The following RNF40 variants were observed in gnomAD, a reference collection of about 807,000 sequenced individuals.
The protein encoded by RNF40 is E3 ubiquitin-protein ligase BRE1B.
In RNF40, 39 loss-of-function variants were observed where a neutral mutation model predicts 123.3. The ratio of observed to expected loss-of-function variants is 0.32; its 90% confidence interval spans 0.24 to 0.41. RNF40 has a LOEUF of 0.41. Ranked by LOEUF, RNF40 falls within the 10% of genes least tolerant of loss-of-function variation. RNF40 has a pLI of 1.00. For synonymous variants in RNF40, 538 were observed against 526.0 expected (o/e 1.02, Z -0.31); for missense variants, 1,003 against 1,319.9 (o/e 0.76, Z 3.72).
At chr16:30,767,643 T>TA (rs535142227) in intron 11 of RNF40, 8,497 of 351,872 alleles carry the variant, frequency 0.024, 5 homozygotes, top group South Asian at 0.029. Flanking sequence ...TGTTTCTATT[T>TA]AAAAAAAAAA....
In RNF40 at chr16:30,765,225, G is replaced by A. The variant is rs1252606201; in HGVS notation, c.816G>A (p.Val272=). ...QDKVTSAETK[V]LEMETTVEDL... is the part of the protein sequence containing the mutation. The stretch of plus-strand genomic sequence containing the variant: ...AAGTGACATCGGCAGAGACCAAGGT[G>A]CTGGAGATGGAGACAACAGTGGAGG... Residue 272 remains valine (V), a synonymous_variant, in exon 7 of 20, where the codon GTG becomes GTA. Coordinates refer to ENST00000324685, the MANE Select transcript of RNF40 (RefSeq NM_014771.4). The A allele has an allele frequency of 3.1e-6, 5 of 1,614,126 alleles. No homozygotes were observed. The highest frequency in any genetic ancestry group is 4.2e-6 in the Non-Finnish European group (5 of 1,180,054).
At position 30,764,294 on chromosome 16, in the gene RNF40, G is replaced by A. The variant is rs770740742; in HGVS notation, c.558G>A (p.Glu186=). 4 of 1,613,910 alleles carry A rather than the reference G, an allele frequency of 2.5e-6. No homozygotes were observed. The highest frequency in any genetic ancestry group is 2.5e-6 in the Non-Finnish European group (3 of 1,179,922). Residue 186 remains glutamate (E), a synonymous_variant, in exon 5 of 20, where the codon GAG becomes GAA. Transcript: ENST00000324685. ...EVELELQGRM[E]FSKAAVSRVV... Reference sequence around the variant, plus strand: ...AGCTGGAGCTGCAAGGCCGAATGGAGTTCTCCAAGGCAGCTGTGTCTCGTG... The same window carrying A: ...AGCTGGAGCTGCAAGGCCGAATGGAATTCTCCAAGGCAGCTGTGTCTCGTG...
chr16:30,766,538 C>T lies in RNF40; in HGVS notation c.1273C>T (p.Arg425Ter). The change falls in exon 10 of 20, where the codon CGA (arginine) becomes TGA (stop). Residue 425 changes from arginine (R) to a stop codon, truncating the protein, a stop_gained. Coordinates refer to ENST00000324685, the MANE Select transcript of RNF40 (RefSeq NM_014771.4). LOFTEE classifies it high-confidence loss of function. This position sits in a 1 kb window ranked among gnomAD's most constrained non-coding sequence, Gnocchi z 5.4. ...GCTGGCCACAAAGAACTCCCACCTG[C>T]GACACATCGAGCACATGGAGGTATG... ...LLLATKNSHL[R>*]HIEHMESDEL... 7 of 1,611,072 alleles carry T rather than the reference C, an allele frequency of 4.3e-6. No homozygotes were observed. The highest frequency in any genetic ancestry group is 5.9e-6 in the Non-Finnish European group (7 of 1,178,536).
Position 30,767,943 on chromosome 16 carries a change from C to T in RNF40, c.1479C>T (p.His493=). 1 of 1,614,194 alleles carries T rather than the reference C, an allele frequency of 6.2e-7. No homozygotes were observed. Among genetic ancestry groups the T allele is most frequent in the African/African-American group, 1.3e-5 (1 of 75,052 alleles). The change falls in exon 12 of 20, where the codon CAC becomes CAT. Residue 493 remains histidine (H), a synonymous_variant. Coordinates refer to ENST00000324685, the MANE Select transcript of RNF40 (RefSeq NM_014771.4). ...ACCTGATTAGTAGTCTTCAAAACCA[C>T]AACCACCAGCTAAAAGGGGACGCCC... The part of the protein sequence containing the change: ...MRHLISSLQN[H]NHQLKGDAQR...
intron 2 of RNF40, 23 bp downstream of exon 2, chr16:30,762,700 C>T (rs1314552523): frequency 5.0e-6 from 8 of 1,608,990 alleles, no homozygotes; most frequent in South Asian, 1.1e-5. Context: ...TTGCCTTAAC[C>T]CTCAGAACTT....
rs1473596266 is a variant in RNF40 at position 30,774,785 on chromosome 16, T to C, written c.*671T>C. On this transcript the variant is annotated 3_prime_UTR_variant, in exon 20 of 20. Transcript: ENST00000324685. ...GCTGAACCAACATCATCAGTTTCTA[T>C]TCTAATCAGGCCCCTTCCCAATCTC... 2.8e-6 allele frequency: 1 copy of C among 357,840 alleles called. No individual in the cohort carries two copies. The highest frequency in any genetic ancestry group is 5.5e-6 in the Non-Finnish European group (1 of 180,648). The allele number at this position is 357,840 out of a possible 1,614,324, so 22.2% of individuals were successfully genotyped here. A position where few individuals can be genotyped will look rare whatever the true frequency, so the allele number is the denominator to read the frequency against.
Position 30,763,476 on chromosome 16 carries a change from C to T in RNF40, c.359C>T (p.Ser120Leu), listed in dbSNP as rs2053939136. Residue 120 changes from serine (S) to leucine (L), a missense_variant, in exon 4 of 20, where the codon TCA (serine) becomes TTA (leucine). This residue lies in a region of RNF40 where 104 missense variants were observed against 85.2 expected (regional missense o/e 1.22). Transcript: ENST00000324685. ...CATGAGAGCCAGGGGGAGCTGTCTT[C>T]AGCGCCTGAGGCACCTGGGACCCAG... is the stretch of plus-strand genomic sequence containing the variant. ...RCHESQGELSSAPEAPGTQEG... is the reference protein window; with the variant it reads ...RCHESQGELSLAPEAPGTQEG... 3 of 1,613,422 alleles carry T rather than the reference C, an allele frequency of 1.9e-6. No individual in the cohort carries two copies. In the East Asian group the frequency reaches 6.7e-5, roughly 36 times the overall value.
At chr16:30,773,146 G>A (rs905604476) in intron 19 of RNF40, among the ~76,000 whole-genome samples, 3 of 152,288 alleles carry the variant, frequency 2.0e-5, no homozygotes, top group Admixed American at 2.0e-4. Flanking sequence ...CAAAAGGGCC[G>A]GGCTGGAGAA....
In RNF40 at chr16:30,768,264, C is replaced by G; in HGVS notation, c.1713C>G (p.Thr571=). 2 of 1,613,974 alleles carry G rather than the reference C, an allele frequency of 1.2e-6. No homozygotes were observed. The highest frequency in any genetic ancestry group is 1.7e-6 in the Non-Finnish European group (2 of 1,180,022). The change falls in exon 13 of 20, where the codon ACC becomes ACG. Residue 571 remains threonine (T), a synonymous_variant. Transcript: ENST00000324685. The surrounding 1 kb of genome is among the most constrained non-coding windows in gnomAD (Gnocchi z 4.1). ...RKEMAPVPGT[T]TTTTSVKKEE... ...AGATGGCTCCAGTGCCTGGCACCACCACTACTACCACTTCAGTGAAGAAGG... is the reference window on the plus strand; with the variant it reads ...AGATGGCTCCAGTGCCTGGCACCACGACTACTACCACTTCAGTGAAGAAGG...
chr16:30,767,722 G>A (rs1283195662), intron 11 of RNF40, 172 bp from the exon 12 acceptor site: 1 of 722,972 alleles, frequency 1.4e-6, no homozygotes, highest in East Asian at 2.7e-5. Flanking sequence ...AATTTTGGGT[G>A]AGTTTCCTTG....
Position 30,768,140 on chromosome 16 carries a change from C to G in RNF40, c.1589C>G (p.Pro530Arg). ...AQASGSAHST[P>R]NLGHPEDSGV... Reference sequence around the variant, plus strand: ...GCCAGTGGCTCTGCCCACTCCACCCCCAACCTGGGCCACCCAGAGGATTCT... The same window carrying G: ...GCCAGTGGCTCTGCCCACTCCACCCGCAACCTGGGCCACCCAGAGGATTCT... The change falls in exon 13 of 20, where the codon CCC becomes CGC. Residue 530 changes from proline to arginine, a missense_variant. Transcript: ENST00000324685. This position sits in a 1 kb window ranked among gnomAD's most constrained non-coding sequence, Gnocchi z 4.1. The G allele has an allele frequency of 6.2e-7, 1 of 1,607,336 alleles. No homozygotes were observed. The highest frequency in any genetic ancestry group is 8.5e-7 in the Non-Finnish European group (1 of 1,176,258).
Position 30,775,572 on chromosome 16 carries a change from A to G in RNF40, c.*1458A>G, listed in dbSNP as rs2054220684. 6.2e-6 allele frequency: 1 copy of G among 162,134 alleles called. No homozygotes were observed. The highest frequency in any genetic ancestry group is 5.9e-5 in the Admixed American group (1 of 17,002). The allele number at this position is 162,134 out of a possible 1,614,324, so 10.0% of individuals were successfully genotyped here. A position where few individuals can be genotyped will look rare whatever the true frequency, so the allele number is the denominator to read the frequency against. The stretch of plus-strand genomic sequence containing the variant: ...ACCGCTTCTCAGCGGCTTCACCCCC[A>G]CACCACTCGAATGCACAGATCGGGA... On this transcript the variant is annotated 3_prime_UTR_variant, in exon 20 of 20. Coordinates refer to ENST00000324685, the MANE Select transcript of RNF40 (RefSeq NM_014771.4).
Position 30,774,325 on chromosome 16 carries a change from A to T in RNF40, c.*211A>T. The stretch of plus-strand genomic sequence containing the variant: ...ATCTTTTCCTAAAGGTCAGAGCTGC[A>T]GCCTAGGGGGCACTGCCCTACAGAA... On this transcript the variant is annotated 3_prime_UTR_variant, in exon 20 of 20. Coordinates refer to ENST00000324685, the MANE Select transcript of RNF40 (RefSeq NM_014771.4). 9.1e-6 allele frequency: 5 copies of T among 552,064 alleles called. No individual in the cohort carries two copies. Among genetic ancestry groups the T allele is most frequent in the Non-Finnish European group, 1.3e-5 (4 of 315,606 alleles). 34.2% of individuals were successfully genotyped at this position (552,064 alleles called of 1,614,324 possible).
At chr16:30,773,627 A>T (rs2054184960) in intron 19 of RNF40, 1 of 283,818 alleles carries the variant, frequency 3.5e-6, no homozygotes, top group Non-Finnish European at 6.6e-6. Context: ...AGAGGCGGCC[A>T]GTGGGGCAGG....
At chr16:30,772,573 C>T (rs1223578725) in intron 19 of RNF40, among the ~76,000 whole-genome samples, 1 of 152,220 alleles carries the variant, frequency 6.6e-6, no homozygotes, top group Non-Finnish European at 1.5e-5. Context: ...AATGTCACCA[C>T]AGCAGACCTG....
chr16:30,765,348 C>G, intron 7 of RNF40, 21 bp downstream of exon 7: 1 of 1,614,106 alleles, frequency 6.2e-7, no homozygotes, highest in Non-Finnish European at 8.5e-7. Flanking sequence ...GGTGCTGGGG[C>G]AGGTGAGGCA....
At chr16:30,767,396 C>T (rs2054054172) in intron 11 of RNF40, among the ~76,000 whole-genome samples, 1 of 151,784 alleles carries the variant, frequency 6.6e-6, no homozygotes, top group Admixed American at 6.6e-5. Context: ...GAATAGGAGG[C>T]CAGGGAAATG....
chr16:30,762,279 G>T (rs538221529), upstream of RNF40: 18 of 428,494 alleles, frequency 4.2e-5, no homozygotes, highest in Admixed American at 1.4e-4. Flanking sequence ...CGCACCGTTG[G>T]GGGGGGGGCA....
intron 8 of RNF40, 136 bp downstream of exon 8, chr16:30,765,635 T>C (rs1386440442): frequency 1.3e-6 from 1 of 753,438 alleles, no homozygotes; most frequent in East Asian, 2.7e-5. Flanking sequence ...TTTTCATGCA[T>C]TCATATACTT....
Sources: gnomAD v4.1 joint callset for allele counts (sites outside exome capture counted in the v4.1 genomes callset) on GRCh38, gnomAD v4.1.1 for gene constraint, gnomAD v4.1.1 regional missense constraint, Gnocchi (gnomAD v3.1) non-coding constraint, MANE v1.5 for transcripts, NCBI Gene and HGNC (gene_info 2026-07-23, HGNC 2026-07-21) for gene names.